The following NAALADL2 variants were observed in gnomAD, a reference collection of about 807,000 sequenced individuals.
The protein encoded by NAALADL2 is N-acetylated alpha-linked acidic dipeptidase like 2.
NAALADL2 carries 76 observed loss-of-function variants against 87.2 expected under a neutral mutation model. That is an observed-to-expected ratio of 0.87 (90% CI 0.72 to 1.05). The LOEUF is 1.05. Among genes scored for constraint, NAALADL2 ranks in the 50% least tolerant of loss-of-function variants. NAALADL2 has a pLI of 0.00. For missense variants in NAALADL2, 1,089 were observed against 945.8 expected, an observed-to-expected ratio of 1.15 and a Z score of -1.99; for synonymous variants, 354 against 331.0, an observed-to-expected ratio of 1.07 and a Z score of -0.75.
At chr3:175,166,967 C>T (rs1734091412) in intron 2 of NAALADL2, among the ~76,000 whole-genome samples, 1 of 152,072 alleles carries the variant, frequency 6.6e-6, no homozygotes, top group Non-Finnish European at 1.5e-5. Flanking sequence ...GGTTAATTCT[C>T]CTAAATGTGG....
intron 13 of NAALADL2, among the ~76,000 whole-genome samples, chr3:175,771,494 G>A (rs1461829076): frequency 6.6e-6 from 1 of 152,118 alleles, no homozygotes; most frequent in African/African-American, 2.4e-5. Flanking sequence ...TTCCATTTCT[G>A]GAGGCCAGAA....
At chr3:175,613,069 G>T (rs1215059679) in intron 10 of NAALADL2, among the ~76,000 whole-genome samples, 2 of 151,930 alleles carry the variant, frequency 1.3e-5, no homozygotes, top group African/African-American at 4.8e-5. Flanking sequence ...CATCCATAAT[G>T]ACTCCTCCTG....
intron 3 of NAALADL2, among the ~76,000 whole-genome samples, chr3:174,827,427 T>G (rs1722124404): frequency 6.6e-6 from 1 of 152,188 alleles, no homozygotes; most frequent in African/African-American, 2.4e-5. Context: ...ATTTACTGGC[T>G]TGTGGCCTCT....
At chr3:175,064,577 G>T (rs771792682) in intron 1 of NAALADL2, among the ~76,000 whole-genome samples, 4 of 152,156 alleles carry the variant, frequency 2.6e-5, no homozygotes, top group African/African-American at 4.8e-5. Flanking sequence ...CAGGGACAGG[G>T]TCAACTTTCT....
At chr3:174,471,069 A>G (rs567011413) in intron 1 of NAALADL2, among the ~76,000 whole-genome samples, 7 of 152,076 alleles carry the variant, frequency 4.6e-5, no homozygotes, top group African/African-American at 1.7e-4. Context: ...TTTCAGAGAA[A>G]GTTCCCAAGT....
chr3:174,578,696 G>A (rs1298130087), intron 2 of NAALADL2, among the ~76,000 whole-genome samples: 1 of 151,766 alleles, frequency 6.6e-6, no homozygotes, highest in African/African-American at 2.4e-5. Context: ...TGGCAGAAAT[G>A]GTACCTGTGC....
intron 2 of NAALADL2, among the ~76,000 whole-genome samples, chr3:174,733,262 G>T (rs559857330): frequency 7.2e-5 from 11 of 152,152 alleles, no homozygotes; most frequent in Non-Finnish European, 1.6e-4. Flanking sequence ...AAGTTTTTCT[G>T]CAACCTGAGG....
chr3:174,970,460 C>A (rs1332650367), intron 1 of NAALADL2, among the ~76,000 whole-genome samples: 3 of 152,054 alleles, frequency 2.0e-5, no homozygotes, highest in East Asian at 3.9e-4. Context: ...TTAATCTGGT[C>A]CAAGATGATC....
At chr3:175,090,260 A>T (rs1719843514) in intron 1 of NAALADL2, among the ~76,000 whole-genome samples, 1 of 152,090 alleles carries the variant, frequency 6.6e-6, no homozygotes, top group African/African-American at 2.4e-5. Flanking sequence ...TAGATATCCT[A>T]AATAATACCA....
At position 175,096,819 on chromosome 3, in the gene NAALADL2, G is replaced by A. The variant is rs1401574850; in HGVS notation, c.73G>A (p.Ala25Thr). 1.3e-6 allele frequency: 2 copies of A among 1,595,004 alleles called. No homozygotes were observed. Among genetic ancestry groups the A allele is most frequent in the South Asian group, 2.3e-5 (2 of 87,492 alleles). The part of the protein sequence containing the change: ...GKKMAYQKVH[A>T]DQRAPGHSQY... ...AAAGATGGCCTATCAGAAGGTCCAT[G>A]CAGATCAAAGAGCTCCAGGACACTC... The change falls in exon 2 of 14, where the codon GCA (alanine) becomes ACA (threonine). Residue 25 changes from alanine to threonine, a missense_variant. Physicochemically the swap from Ala to Thr is moderately conservative, Grantham distance 58 (BLOSUM62 0). Coordinates refer to ENST00000454872, the MANE Select transcript of NAALADL2 (RefSeq NM_207015.3).
chr3:175,586,307 T>TA (rs199827235), intron 10 of NAALADL2, among the ~76,000 whole-genome samples: 108 of 149,346 alleles, frequency 7.2e-4, no homozygotes, highest in East Asian at 2.9e-3. Flanking sequence ...TGTTAAAAAA[T>TA]AAAAAAAAAA....
chr3:175,308,444 G>A (rs750689938), intron 4 of NAALADL2, among the ~76,000 whole-genome samples: 11 of 152,158 alleles, frequency 7.2e-5, no homozygotes, highest in Non-Finnish European at 1.5e-4. Flanking sequence ...TTGCGTGGCA[G>A]GGGACTGGCG....
At chr3:175,459,879 TAA>T (rs1267511238) in intron 6 of NAALADL2, among the ~76,000 whole-genome samples, 1 of 152,208 alleles carries the variant, frequency 6.6e-6, no homozygotes, top group African/African-American at 2.4e-5. Flanking sequence ...CGTTTTTACC[TAA>T]GTTTAATCAT....
intron 1 of NAALADL2, among the ~76,000 whole-genome samples, chr3:174,958,827 T>G (rs976851468): frequency 6.6e-6 from 1 of 152,114 alleles, no homozygotes; most frequent in Non-Finnish European, 1.5e-5. Context: ...TGTACAGTCA[T>G]AAGAAATTTA....
intron 13 of NAALADL2, among the ~76,000 whole-genome samples, chr3:175,787,215 C>T (rs3119999): frequency 0.4 from 60,883 of 150,678 alleles, 15,792 homozygotes; most frequent in African/African-American, 0.75. Context: ...GCAGGCAGGC[C>T]TCCTTGAGCT....
chr3:175,383,159 G>A (rs4894486), intron 5 of NAALADL2, among the ~76,000 whole-genome samples: 69,417 of 151,668 alleles, frequency 0.46, 16,153 homozygotes, highest in East Asian at 0.62. Context: ...TACCTCAAGC[G>A]TTTATCATTC....
intron 13 of NAALADL2, among the ~76,000 whole-genome samples, chr3:175,795,445 A>G (rs6783820): frequency 0.27 from 40,371 of 151,608 alleles, 8,387 homozygotes; most frequent in African/African-American, 0.58. Context: ...AGACCGAGGT[A>G]AGTGGATCAC....
At chr3:174,609,694 T>C (rs1343746112) in intron 2 of NAALADL2, among the ~76,000 whole-genome samples, 1 of 152,054 alleles carries the variant, frequency 6.6e-6, no homozygotes, top group Non-Finnish European at 1.5e-5. Context: ...AACATTCCAT[T>C]CTCATGGGTA....
chr3:174,624,303 C>T (rs569585037), intron 2 of NAALADL2, among the ~76,000 whole-genome samples: 1 of 152,162 alleles, frequency 6.6e-6, no homozygotes, highest in African/African-American at 2.4e-5. Flanking sequence ...TGACAGTCCT[C>T]TCCATCTTTA....
Sources: gnomAD v4.1 joint callset for allele counts (sites outside exome capture counted in the v4.1 genomes callset) on GRCh38, gnomAD v4.1.1 for gene constraint, MANE v1.5 for transcripts, NCBI Gene and HGNC (gene_info 2026-07-23, HGNC 2026-07-21) for gene names.